The following ATRNL1 variants were observed in gnomAD, a reference collection of about 807,000 sequenced individuals.
The protein encoded by ATRNL1 is attractin like 1.
Under a neutral mutation model 182.7 loss-of-function variants are expected in ATRNL1, and 95 were observed. The observed-to-expected ratio is 0.52, with a 90% CI of 0.44 to 0.62. ATRNL1 has a LOEUF of 0.62. Among genes scored for constraint, ATRNL1 ranks in the 20% least tolerant of loss-of-function variants. The pLI is 0.00. For missense variants in ATRNL1, 1,471 were observed against 1,679.5 expected, an observed-to-expected ratio of 0.88 and a Z score of 2.17; for synonymous variants, 576 against 568.3, an observed-to-expected ratio of 1.01 and a Z score of -0.19.
chr10:115,392,732 A>T (rs1303506862), intron 19 of ATRNL1, among the ~76,000 whole-genome samples: 1 of 152,124 alleles, frequency 6.6e-6, no homozygotes, highest in Non-Finnish European at 1.5e-5. Flanking sequence ...ACCTTTCTAG[A>T]TGCAATTCTC....
At position 115,413,915 on chromosome 10, in the gene ATRNL1, G is replaced by T. The variant is rs372586040; in HGVS notation, c.3270-12335G>T. On this transcript the variant is annotated intron_variant, in intron 20 of 28. Transcript: ENST00000355044. Reference sequence around the variant, plus strand: ...TTAGGAAATAATAATTTATTTATGTGCACATATAAATATACATATGTGCAC... The same window carrying T: ...TTAGGAAATAATAATTTATTTATGTTCACATATAAATATACATATGTGCAC... 9.9e-4 allele frequency among the ~76,000 whole-genome samples: 150 copies of T among 152,050 alleles called. 2 individuals are homozygous for T. Among genetic ancestry groups the T allele is most frequent in the Non-Finnish European group, 8.2e-4 (56 of 67,934 alleles).
intron 20 of ATRNL1, among the ~76,000 whole-genome samples, chr10:115,408,233 G>C (rs1554958857): frequency 6.6e-6 from 1 of 151,656 alleles, no homozygotes; most frequent in Non-Finnish European, 1.5e-5. Context: ...TCGATCTCCT[G>C]ACCTCATGAT....
Position 115,874,658 on chromosome 10 carries a change from A to G in ATRNL1, c.4018+26667A>G, listed in dbSNP as rs183045640. ...AGGTGAGAGAGAAAGAGCACTTACTAAAAGTTAAATGGAGTCAGCAGAACC... is the reference window on the plus strand; with the variant it reads ...AGGTGAGAGAGAAAGAGCACTTACTGAAAGTTAAATGGAGTCAGCAGAACC... On this transcript the variant is annotated intron_variant, in intron 28 of 28. Transcript: ENST00000355044. Among the ~76,000 whole-genome samples, 126 of 152,318 alleles carry G rather than the reference A, an allele frequency of 8.3e-4. 1 individual carries two copies. Among genetic ancestry groups the G allele is most frequent in the African/African-American group, 3.0e-3 (123 of 41,578 alleles).
chr10:115,780,520 G>A (rs79854185), intron 27 of ATRNL1, among the ~76,000 whole-genome samples: 7,479 of 152,118 alleles, frequency 0.049, 514 homozygotes, highest in African/African-American at 0.16. Context: ...CAAACCCCAG[G>A]CTGAAGAGCT....
chr10:115,221,684 C>T (rs1197910586), intron 9 of ATRNL1, among the ~76,000 whole-genome samples: 1 of 152,070 alleles, frequency 6.6e-6, no homozygotes, highest in Non-Finnish European at 1.5e-5. Context: ...TCAGCCATTA[C>T]AGAGGAACAA....
At chr10:115,695,938 G>A (rs939833142) in intron 26 of ATRNL1, among the ~76,000 whole-genome samples, 13 of 149,876 alleles carry the variant, frequency 8.7e-5, no homozygotes, top group South Asian at 4.2e-4. Context: ...TTGCTCTGTC[G>A]CCCAGGCTGG....
At position 115,727,265 on chromosome 10, in the gene ATRNL1, A is replaced by T; in HGVS notation, c.3813A>T (p.Arg1271=). Reference sequence around the variant, plus strand: ...CCCTCCAGCAACTGCTTCGAGAACGACAGCAGATGGCCAGCCGTCCCTTTG... The same window carrying T: ...CCCTCCAGCAACTGCTTCGAGAACGTCAGCAGATGGCCAGCCGTCCCTTTG... ...SRRREQLLRE[R]QQMASRPFAS... is the part of the protein sequence containing the mutation. The change falls in exon 27 of 29, where the codon CGA becomes CGT. Residue 1271 remains arginine (R), a synonymous_variant. Coordinates refer to ENST00000355044, the MANE Select transcript of ATRNL1 (RefSeq NM_207303.4). 1 of 1,614,000 alleles carries T rather than the reference A, an allele frequency of 6.2e-7. No individual in the cohort carries two copies. Among genetic ancestry groups the T allele is most frequent in the African/African-American group, 1.3e-5 (1 of 75,052 alleles).
chr10:115,344,043 G>A (rs540810850), intron 19 of ATRNL1, among the ~76,000 whole-genome samples: 103 of 152,242 alleles, frequency 6.8e-4, no homozygotes, highest in African/African-American at 2.4e-3. Flanking sequence ...AAGTACCACC[G>A]TGGCCATCAC....
intron 4 of ATRNL1, among the ~76,000 whole-genome samples, chr10:115,127,940 T>C (rs184158223): frequency 2.6e-5 from 4 of 152,302 alleles, no homozygotes; most frequent in Admixed American, 6.5e-5. Context: ...AAATTAATTA[T>C]GAAATTGACA....
chr10:115,428,047 T>C (rs1456637273), intron 21 of ATRNL1, among the ~76,000 whole-genome samples: 2 of 152,002 alleles, frequency 1.3e-5, no homozygotes, highest in African/African-American at 4.8e-5. Context: ...TTTGGAATTA[T>C]TGTATTTTTT....
intron 21 of ATRNL1, among the ~76,000 whole-genome samples, chr10:115,429,569 C>G (rs1193660969): frequency 2.0e-5 from 3 of 152,084 alleles, no homozygotes. Context: ...TTATTAAATA[C>G]TAAGTTAAAT....
chr10:115,111,737 A>G (rs1261258428), intron 1 of ATRNL1, among the ~76,000 whole-genome samples: 1 of 152,230 alleles, frequency 6.6e-6, no homozygotes, highest in African/African-American at 2.4e-5. Context: ...GAGGAGTCAT[A>G]TATTCAAACC....
intron 22 of ATRNL1, among the ~76,000 whole-genome samples, chr10:115,463,386 C>T (rs1184263295): frequency 5.3e-5 from 8 of 152,018 alleles, no homozygotes; most frequent in African/African-American, 1.9e-4. Flanking sequence ...GTTTCAAATA[C>T]AAGCCGTCCT....
rs140650621 is a variant in ATRNL1 at position 115,743,263 on chromosome 10, C to T, written c.3903+15908C>T. Among the ~76,000 whole-genome samples, 998 of 137,842 alleles carry T rather than the reference C, an allele frequency of 7.2e-3. 15 individuals are homozygous for T. Among genetic ancestry groups the T allele is most frequent in the African/African-American group, 0.025 (942 of 37,126 alleles). The allele number at this position is 137,842 out of a possible 152,430, so 90.4% of individuals were successfully genotyped here. A position where few individuals can be genotyped will look rare whatever the true frequency, so the allele number is the denominator to read the frequency against. On this transcript the variant is annotated intron_variant, in intron 27 of 28. Coordinates refer to ENST00000355044, the MANE Select transcript of ATRNL1 (RefSeq NM_207303.4). The stretch of plus-strand genomic sequence containing the variant: ...TAAAAAAAAAAAAAAAAATACAACT[C>T]TTCTATATAATGTACTATATACCCT...
At chr10:115,742,290 G>C (rs558880707) in intron 27 of ATRNL1, among the ~76,000 whole-genome samples, 9 of 152,184 alleles carry the variant, frequency 5.9e-5, no homozygotes, top group Admixed American at 3.3e-4. Flanking sequence ...TAGGATAAAG[G>C]GGAGGTGAAA....
chr10:115,764,094 T>C (rs947803632), intron 27 of ATRNL1, among the ~76,000 whole-genome samples: 8 of 152,230 alleles, frequency 5.3e-5, no homozygotes, highest in African/African-American at 1.9e-4. Flanking sequence ...CTTACCTTGC[T>C]AGATAATTCC....
chr10:115,344,077 A>G (rs1855869885), intron 19 of ATRNL1, among the ~76,000 whole-genome samples: 1 of 152,172 alleles, frequency 6.6e-6, no homozygotes, highest in Non-Finnish European at 1.5e-5. Flanking sequence ...CTGGTCAGAC[A>G]TGAAGCCAGC....
At chr10:115,188,636 T>G (rs1370750721) in intron 8 of ATRNL1, among the ~76,000 whole-genome samples, 1 of 152,122 alleles carries the variant, frequency 6.6e-6, no homozygotes, top group East Asian at 1.9e-4. Context: ...AATGTTAACT[T>G]TTTTCCTTTT....
chr10:115,433,299 C>T (rs1167081209), intron 21 of ATRNL1, among the ~76,000 whole-genome samples: 2 of 151,926 alleles, frequency 1.3e-5, no homozygotes, highest in African/African-American at 4.8e-5. Flanking sequence ...CTTGAATTGA[C>T]CCTTATATTT....
Sources: gnomAD v4.1 joint callset for allele counts (sites outside exome capture counted in the v4.1 genomes callset) on GRCh38, gnomAD v4.1.1 for gene constraint, MANE v1.5 for transcripts, NCBI Gene and HGNC (gene_info 2026-07-23, HGNC 2026-07-21) for gene names.